The following STIM2 variants were observed in gnomAD, a reference collection of about 807,000 sequenced individuals.
The protein encoded by STIM2 is stromal interaction molecule 2.
STIM2 carries 31 observed loss-of-function variants against 85.8 expected under a neutral mutation model. The ratio of observed to expected loss-of-function variants is 0.36; its 90% confidence interval spans 0.27 to 0.49. The LOEUF is 0.49. Ranked by LOEUF, STIM2 falls within the 20% of genes least tolerant of loss-of-function variation. STIM2 has a pLI of 0.98. For missense variants in STIM2, 841 were observed against 927.6 expected (o/e 0.91, Z 1.21); for synonymous variants, 356 against 331.1 (o/e 1.08, Z -0.82).
At position 26,922,157 on chromosome 4, in the gene STIM2, A is replaced by G. The variant is rs552470638; in HGVS notation, c.282+2523A>G. On this transcript the variant is annotated intron_variant, in intron 2 of 11. Transcript: ENST00000467087. ...GTCATTTATTGTGGGCCGTTTTATTAAAATGAGTGGATAATTCATTCTCTC... is the reference window on the plus strand; with the variant it reads ...GTCATTTATTGTGGGCCGTTTTATTGAAATGAGTGGATAATTCATTCTCTC... Among the ~76,000 whole-genome samples the G allele has an allele frequency of 3.3e-5, 5 of 152,250 alleles. No homozygotes were observed. The South Asian group carries it at 1.0e-3, about 32-fold the overall frequency.
intron 1 of STIM2, chr4:26,873,626 G>C: frequency 1.8e-6 from 1 of 566,828 alleles, no homozygotes; most frequent in Admixed American, 2.4e-5. Flanking sequence ...GTTTCCTGCA[G>C]GGCACTTCCT....
chr4:26,861,582 G>A, intron 1 of STIM2: 1 of 612,132 alleles, frequency 1.6e-6, no homozygotes, highest in Non-Finnish European at 2.3e-6. Flanking sequence ...GCCTCTCGAC[G>A]GCACTGATTC....
At chr4:26,878,041 T>C (rs1722875200) in intron 1 of STIM2, among the ~76,000 whole-genome samples, 1 of 152,192 alleles carries the variant, frequency 6.6e-6, no homozygotes, top group African/African-American at 2.4e-5. Flanking sequence ...TGAGGAAATA[T>C]AAATGGATTG....
chr4:26,949,576 A>G (rs1258716446), intron 2 of STIM2, among the ~76,000 whole-genome samples: 3 of 152,202 alleles, frequency 2.0e-5, no homozygotes, highest in Non-Finnish European at 4.4e-5. Flanking sequence ...CTTTCCAAAG[A>G]AAGTGGTAAT....
intron 1 of STIM2, among the ~76,000 whole-genome samples, chr4:26,910,898 A>G (rs1724309950): frequency 6.6e-6 from 1 of 152,152 alleles, no homozygotes. Context: ...TGTCTCTGGA[A>G]GGTGGGAAGG....
chr4:26,949,350 T>A (rs191974518), intron 2 of STIM2, among the ~76,000 whole-genome samples: 12 of 152,330 alleles, frequency 7.9e-5, no homozygotes, highest in Middle Eastern at 3.4e-3. Flanking sequence ...TCTAAATTAT[T>A]GACCTTTATT....
chr4:26,970,203 A>G (rs199554059), intron 3 of STIM2, among the ~76,000 whole-genome samples: 1,079 of 10,084 alleles, frequency 0.11, 17 homozygotes, highest in African/African-American at 0.18. Context: ...GTGTGTGTAT[A>G]TATATATATA....
chr4:26,868,231 T>G (rs1722475976), intron 1 of STIM2, among the ~76,000 whole-genome samples: 1 of 152,224 alleles, frequency 6.6e-6, no homozygotes, highest in Non-Finnish European at 1.5e-5. Context: ...GCAGTTTACT[T>G]GGACTAACAT....
intron 1 of STIM2, among the ~76,000 whole-genome samples, chr4:26,864,576 A>G (rs1722327072): frequency 6.6e-6 from 1 of 152,138 alleles, no homozygotes; most frequent in Non-Finnish European, 1.5e-5. Context: ...ATTTTAACTG[A>G]AAATATTTGC....
chr4:26,932,213 A>G (rs530556360), intron 2 of STIM2, among the ~76,000 whole-genome samples: 1 of 152,292 alleles, frequency 6.6e-6, no homozygotes, highest in African/African-American at 2.4e-5. Flanking sequence ...TCCAGAACCC[A>G]TGTTCTTGAC....
intron 1 of STIM2, among the ~76,000 whole-genome samples, chr4:26,867,648 T>C (rs1480517311): frequency 7.9e-5 from 12 of 152,318 alleles, no homozygotes; most frequent in Admixed American, 5.2e-4. Flanking sequence ...ACTCCTAAAT[T>C]TCATTGTTGT....
intron 3 of STIM2, among the ~76,000 whole-genome samples, chr4:26,988,924 A>G (rs912172111): frequency 6.6e-6 from 1 of 152,174 alleles, no homozygotes; most frequent in Non-Finnish European, 1.5e-5. Context: ...TCATAGAAAC[A>G]GTTTAAATGA....
chr4:26,913,628 T>A (rs1446829245), intron 1 of STIM2, among the ~76,000 whole-genome samples: 1 of 152,242 alleles, frequency 6.6e-6, no homozygotes, highest in Non-Finnish European at 1.5e-5. Flanking sequence ...TTTGTTAATT[T>A]CTCCATCCTG....
At chr4:26,911,947 T>G (rs1205481186) in intron 1 of STIM2, among the ~76,000 whole-genome samples, 1 of 152,170 alleles carries the variant, frequency 6.6e-6, no homozygotes, top group Non-Finnish European at 1.5e-5. Context: ...TGAAAAAGAC[T>G]TTGCCCTAGA....
chr4:26,989,019 C>G (rs1727676099), intron 3 of STIM2, among the ~76,000 whole-genome samples: 1 of 152,194 alleles, frequency 6.6e-6, no homozygotes, highest in South Asian at 2.1e-4. Context: ...ACTGCAGCCT[C>G]TGTCTCCTGG....
At chr4:27,005,689 G>A (rs1728309911) in intron 7 of STIM2, among the ~76,000 whole-genome samples, 1 of 152,196 alleles carries the variant, frequency 6.6e-6, no homozygotes, top group African/African-American at 2.4e-5. Context: ...CAGTTAAATA[G>A]TTGCCACTAT....
intron 1 of STIM2, among the ~76,000 whole-genome samples, chr4:26,879,192 CTA>C (rs1291553331): frequency 6.6e-6 from 1 of 152,136 alleles, no homozygotes; most frequent in Non-Finnish European, 1.5e-5. Flanking sequence ...ATCTACTTGA[CTA>C]TGTAGTTACT....
At chr4:27,002,462 A>G in intron 6 of STIM2, 68 bp downstream of exon 6, 1 of 1,219,296 alleles carries the variant, frequency 8.2e-7, no homozygotes, top group Non-Finnish European at 1.1e-6. Context: ...TGATATGGGC[A>G]TGTGCTTAAA....
At chr4:26,936,579 C>T (rs1262101040) in intron 2 of STIM2, among the ~76,000 whole-genome samples, 1 of 152,148 alleles carries the variant, frequency 6.6e-6, no homozygotes, top group East Asian at 1.9e-4. Flanking sequence ...CAGTTATATA[C>T]AGATTAAATA....
Sources: allele counts gnomAD v4.1 joint callset (sites outside exome capture counted in the v4.1 genomes callset), GRCh38; gene constraint gnomAD v4.1.1; transcripts MANE v1.5; gene names NCBI Gene and HGNC (gene_info 2026-07-23, HGNC 2026-07-21).